Variants in DGLUCY observed in about 807,000 individuals in gnomAD.
The protein encoded by DGLUCY is D-glutamate cyclase, mitochondrial.
Under a neutral mutation model 58.5 loss-of-function variants are expected in DGLUCY, and 58 were observed. The ratio of observed to expected loss-of-function variants is 0.99; its 90% CI spans 0.80 to 1.23. The LOEUF (loss-of-function observed/expected upper bound fraction) is 1.23. Among genes scored for constraint, DGLUCY ranks in the 50% most tolerant of loss-of-function variants. DGLUCY has a pLI of 0.00. For missense variants in DGLUCY, 779 were observed against 784.7 expected (o/e 0.99, Z 0.09); for synonymous variants, 325 against 314.1 (o/e 1.03, Z -0.37).
chr14:91,069,056 A>G (rs1234744826), intron 1 of DGLUCY, among the ~76,000 whole-genome samples: 1 of 152,172 alleles, frequency 6.6e-6, no homozygotes, highest in African/African-American at 2.4e-5. Flanking sequence ...AGTTATATTA[A>G]ATAACCTAAT....
At chr14:91,102,736 A>AGTGTGTGT (rs1288611586) in intron 1 of DGLUCY, among the ~76,000 whole-genome samples, 1,698 of 60,674 alleles carry the variant, frequency 0.028, 26 homozygotes, top group East Asian at 0.054. Flanking sequence ...GACCCCTTCC[A>AGTGTGTGT]GTGTGTATGT....
At chr14:91,100,095 GA>G (rs2140081480) in intron 1 of DGLUCY, among the ~76,000 whole-genome samples, 1 of 147,072 alleles carries the variant, frequency 6.8e-6, no homozygotes, top group East Asian at 2.0e-4. Context: ...GAAAAGAAAA[GA>G]AAATTAGATG....
chr14:91,124,800 A>T (rs1323773273), intron 1 of DGLUCY, among the ~76,000 whole-genome samples: 1 of 152,234 alleles, frequency 6.6e-6, no homozygotes, highest in Non-Finnish European at 1.5e-5. Context: ...AGCAAAATTT[A>T]TTCAAAGACC....
intron 1 of DGLUCY, among the ~76,000 whole-genome samples, chr14:91,089,557 T>C (rs2044275507): frequency 6.6e-6 from 1 of 152,136 alleles, no homozygotes; most frequent in Non-Finnish European, 1.5e-5. Flanking sequence ...CACAGTAGCT[T>C]GCACCTGTAA....
At chr14:91,177,311 T>C (rs1054322154) in intron 7 of DGLUCY, among the ~76,000 whole-genome samples, 1 of 152,200 alleles carries the variant, frequency 6.6e-6, no homozygotes, top group African/African-American at 2.4e-5. Flanking sequence ...TTTGATTAAA[T>C]ATATATTTTT....
intron 1 of DGLUCY, among the ~76,000 whole-genome samples, chr14:91,102,435 G>C (rs1025127528): frequency 2.0e-5 from 3 of 152,102 alleles, no homozygotes; most frequent in Non-Finnish European, 4.4e-5. Context: ...AATTTTCCAT[G>C]TTGATTTCCA....
intron 13 of DGLUCY, among the ~76,000 whole-genome samples, chr14:91,220,926 G>A (rs1412959995): frequency 1.3e-5 from 2 of 152,242 alleles, no homozygotes; most frequent in Admixed American, 1.3e-4. Context: ...GCAGGAAAGA[G>A]GCTAAGGAAA....
At chr14:91,163,866 AT>A (rs1378109526) in intron 3 of DGLUCY, among the ~76,000 whole-genome samples, 1 of 152,168 alleles carries the variant, frequency 6.6e-6, no homozygotes, top group Non-Finnish European at 1.5e-5. Context: ...AGCCCACAAG[AT>A]TATTGTAGGA....
In DGLUCY at chr14:91,074,306, A is replaced by G. The variant is rs796868857; in HGVS notation, c.-82+13602A>G. Among the ~76,000 whole-genome samples, 50 of 143,346 alleles carry G rather than the reference A, an allele frequency of 3.5e-4. No individual in the cohort carries two copies. The South Asian group carries it at 0.011, about 30-fold the overall frequency. The allele number at this position is 143,346 out of a possible 152,430, so 94.0% of individuals were successfully genotyped here. On this transcript the variant is annotated intron_variant, in intron 1 of 4. Transcript: ENST00000521334. ...CGATACCCTGTCTCAAAAAAAAAAA[A>G]AAAAAAATATATATATATATATATA...
chr14:91,173,513 C>T (rs1360423408), intron 6 of DGLUCY, 74 bp downstream of exon 6: 5 of 1,462,388 alleles, frequency 3.4e-6, no homozygotes, highest in Non-Finnish European at 4.5e-6. Context: ...CTCGCTCCTG[C>T]CCATGATCCC....
intron 1 of DGLUCY, among the ~76,000 whole-genome samples, chr14:91,108,524 TGTGAGAGAGAGAGA>T (rs1185124532): frequency 2.5e-5 from 1 of 40,498 alleles, no homozygotes; most frequent in African/African-American, 6.5e-5. Flanking sequence ...TGTGTGTGTG[TGTGAGAGAGAGAGA>T]GAGAGAGAGA....
chr14:91,196,777 G>A lies in DGLUCY; in HGVS notation c.1295+303G>A, dbSNP rs2050246250. 2.0e-5 allele frequency among the ~76,000 whole-genome samples: 3 copies of A among 146,816 alleles called. No homozygotes were observed. The South Asian group carries it at 6.4e-4, about 31-fold the overall frequency. Reference sequence around the variant, plus strand: ...AAAAAAAAAAAAAAAAAGTTTCTCAGTCTCAAACTGTGGGTCATGACATGT... The same window carrying A: ...AAAAAAAAAAAAAAAAAGTTTCTCAATCTCAAACTGTGGGTCATGACATGT... On this transcript the variant is annotated intron_variant, in intron 10 of 13. Transcript: ENST00000256324.
intron 1 of DGLUCY, among the ~76,000 whole-genome samples, chr14:91,087,166 A>T (rs2044235770): frequency 6.6e-6 from 1 of 152,190 alleles, no homozygotes; most frequent in Non-Finnish European, 1.5e-5. Flanking sequence ...CGAGCCCCCC[A>T]AAAGTTCAAA....
At chr14:91,199,117 T>C (rs1465569096) in intron 10 of DGLUCY, among the ~76,000 whole-genome samples, 2 of 152,164 alleles carry the variant, frequency 1.3e-5, no homozygotes, top group Admixed American at 6.6e-5. Context: ...ACTCTCAGCC[T>C]CTTGGCCTGG....
At chr14:91,206,847 A>G (rs1253758405) in intron 12 of DGLUCY, among the ~76,000 whole-genome samples, 5 of 152,224 alleles carry the variant, frequency 3.3e-5, no homozygotes, top group Non-Finnish European at 7.3e-5. Flanking sequence ...TTTTAAAAGT[A>G]TGATTAATAT....
At chr14:91,070,871 A>T (rs1444590754) in intron 1 of DGLUCY, among the ~76,000 whole-genome samples, 5 of 152,236 alleles carry the variant, frequency 3.3e-5, no homozygotes, top group African/African-American at 1.2e-4. Flanking sequence ...GAAAGCACAC[A>T]CTGTGTCAAG....
At position 91,188,925 on chromosome 14, in the gene DGLUCY, G is replaced by A; in HGVS notation, c.950G>A (p.Gly317Glu). 6.2e-7 allele frequency: 1 copy of A among 1,613,468 alleles called. No homozygotes were observed. The highest frequency in any genetic ancestry group is 8.5e-7 in the Non-Finnish European group (1 of 1,179,752). Residue 317 changes from glycine (G) to glutamate (E), a missense_variant, in exon 9 of 14, where the codon GGG (glycine) becomes GAG (glutamate). Physicochemically the swap from Gly to Glu is moderately conservative, Grantham distance 98 (BLOSUM62 -2). Transcript: ENST00000256324. ...IGIDPGNRGI[G>E]HLLCKDELLK... Reference sequence around the variant, plus strand: ...GTCATTTCAGGGAACCGGGGGATTGGGCACCTGCTCTGTAAAGATGAGCTG... The same window carrying A: ...GTCATTTCAGGGAACCGGGGGATTGAGCACCTGCTCTGTAAAGATGAGCTG...
chr14:91,209,456 C>G (rs1255156552), intron 12 of DGLUCY, among the ~76,000 whole-genome samples: 1 of 152,146 alleles, frequency 6.6e-6, no homozygotes, highest in Non-Finnish European at 1.5e-5. Context: ...CGCCTGTAAT[C>G]CCAGCACTTT....
chr14:91,167,113 T>G, intron 3 of DGLUCY, 112 bp from the exon 4 acceptor site: 1 of 1,348,944 alleles, frequency 7.4e-7, no homozygotes, highest in Non-Finnish European at 9.9e-7. Flanking sequence ...CACTCCAGCA[T>G]GGGCTACAAG....
Sources: allele counts gnomAD v4.1 joint callset (sites outside exome capture counted in the v4.1 genomes callset), GRCh38; gene constraint gnomAD v4.1.1; transcripts MANE v1.5; gene names NCBI Gene and HGNC (gene_info 2026-07-23, HGNC 2026-07-21).